The following WDR27 variants were observed in gnomAD, a reference collection of about 807,000 sequenced individuals.
The protein encoded by WDR27 is WD repeat domain 27, also known as WD repeat-containing protein 27.
A neutral mutation model predicts 114.4 loss-of-function variants in WDR27; 100 were observed. The ratio of observed to expected loss-of-function variants is 0.87; its 90% CI spans 0.74 to 1.03. WDR27 has a LOEUF of 1.03. WDR27 is among the 50% of genes least tolerant of loss of function. WDR27 has a pLI of 0.00. For missense variants in WDR27, 1,129 were observed against 1,092.9 expected (o/e 1.03, Z -0.47); for synonymous variants, 449 against 423.1 (o/e 1.06, Z -0.75).
intron 23 of WDR27, among the ~76,000 whole-genome samples, chr6:169,585,680 T>C (rs1256187936): frequency 1.3e-5 from 2 of 152,174 alleles, no homozygotes; most frequent in African/African-American, 4.8e-5. Flanking sequence ...ATTTAAAAAA[T>C]TATAAGGAAG....
intron 25 of WDR27, among the ~76,000 whole-genome samples, chr6:169,509,131 G>A (rs1033850953): frequency 1.3e-5 from 2 of 152,100 alleles, no homozygotes; most frequent in African/African-American, 4.8e-5. Flanking sequence ...AATAAAAGAG[G>A]ATACAAACAA....
intron 22 of WDR27, among the ~76,000 whole-genome samples, chr6:169,607,095 T>C (rs1809356217): frequency 6.6e-6 from 1 of 152,140 alleles, no homozygotes; most frequent in Non-Finnish European, 1.5e-5. Flanking sequence ...TAACAGATAC[T>C]GTCAAGGATG....
intron 21 of WDR27, among the ~76,000 whole-genome samples, chr6:169,620,948 T>C (rs773559444): frequency 3.9e-5 from 6 of 152,204 alleles, no homozygotes; most frequent in Non-Finnish European, 5.9e-5. Context: ...GCTGCTCTAG[T>C]TACCTGGTCA....
chr6:169,674,748 G>A (rs563541563), intron 2 of WDR27, among the ~76,000 whole-genome samples: 2 of 152,248 alleles, frequency 1.3e-5, no homozygotes, highest in Admixed American at 6.5e-5. Flanking sequence ...TTTCATGCGC[G>A]TCCATGTGAA....
At chr6:169,493,578 G>A (rs1166286723) in intron 25 of WDR27, among the ~76,000 whole-genome samples, 1 of 151,864 alleles carries the variant, frequency 6.6e-6, no homozygotes. Flanking sequence ...GTAACCACCA[G>A]TAACCAATTG....
At chr6:169,452,452 G>A (rs936244550), downstream of WDR27, among the ~76,000 whole-genome samples, 1 of 152,238 alleles carries the variant, frequency 6.6e-6, no homozygotes, top group South Asian at 2.1e-4. Flanking sequence ...GTGAAGAAAC[G>A]GCTGCAGTGA....
At chr6:169,697,431 A>G (rs1250782566) in intron 1 of WDR27, among the ~76,000 whole-genome samples, 1 of 152,056 alleles carries the variant, frequency 6.6e-6, no homozygotes, top group African/African-American at 2.4e-5. Context: ...GGGAAAGGGA[A>G]TCTCCCTTTC....
At chr6:169,441,494 G>C in the WDR27 span, among the ~76,000 whole-genome samples, 3 of 152,130 alleles carry the variant, frequency 2.0e-5, no homozygotes, top group African/African-American at 4.8e-5. Context: ...TCACCAGCCA[G>C]CTGCCAAGTC....
Position 169,623,455 on chromosome 6 carries a change from G to GGCAGCAGACAAGGT in WDR27, c.2223+9478_2223+9491dup, listed in dbSNP as rs577718583. Among the ~76,000 whole-genome samples, 10 of 152,278 alleles carry GGCAGCAGACAAGGT rather than the reference G, an allele frequency of 6.6e-5. No homozygotes were observed. The East Asian group carries it at 1.9e-3, about 29-fold the overall frequency. On this transcript the variant is annotated intron_variant, in intron 21 of 25. Coordinates refer to ENST00000448612, the MANE Select transcript of WDR27 (RefSeq NM_182552.5). ...TGTCTTGATCAACTGGCTCTATCTA[G>GGCAGCAGACAAGGT]GCAGCAGACAAGGTGAACCATTGGG...
At chr6:169,544,819 G>A (rs1479650470) in intron 25 of WDR27, among the ~76,000 whole-genome samples, 1 of 152,110 alleles carries the variant, frequency 6.6e-6, no homozygotes, top group African/African-American at 2.4e-5. Flanking sequence ...TCATTCTAAA[G>A]AAAATTATAT....
At chr6:169,633,552 T>C (rs1467227140) in intron 20 of WDR27, among the ~76,000 whole-genome samples, 1 of 152,198 alleles carries the variant, frequency 6.6e-6, no homozygotes, top group African/African-American at 2.4e-5. Flanking sequence ...ACGTGCTTCA[T>C]AAACTTGACC....
chr6:169,504,171 A>G (rs1791711386), intron 25 of WDR27, among the ~76,000 whole-genome samples: 1 of 152,250 alleles, frequency 6.6e-6, no homozygotes, highest in South Asian at 2.1e-4. Flanking sequence ...ACTGTTCACT[A>G]CAAACTGTTT....
chr6:169,432,765 G>A, the WDR27 span, among the ~76,000 whole-genome samples: 3 of 152,188 alleles, frequency 2.0e-5, no homozygotes, highest in Non-Finnish European at 4.4e-5. Context: ...CAGGTAGTGG[G>A]GCACTGCTGT....
In WDR27 at chr6:169,638,650, C is replaced by T. The variant is rs1267358708; in HGVS notation, c.1758G>A (p.Gly586=). Residue 586 remains glycine (G), a synonymous_variant, in exon 18 of 26, where the codon GGG becomes GGA. Coordinates refer to ENST00000448612, the MANE Select transcript of WDR27 (RefSeq NM_182552.5). ...GGCTCCAGCACACGGCATTCACTGC[C>T]CCGTCGTGACCTAACAGGAATGACC... The part of the protein sequence containing the change: ...GTPAVFSGHD[G]AVNAVCWSQD... 2 of 1,603,078 alleles carry T rather than the reference C, an allele frequency of 1.2e-6. No homozygotes were observed. Among genetic ancestry groups the T allele is most frequent in the Non-Finnish European group, 8.5e-7 (1 of 1,174,814 alleles).
At chr6:169,695,724 G>C (rs968459911) in intron 1 of WDR27, among the ~76,000 whole-genome samples, 2 of 152,166 alleles carry the variant, frequency 1.3e-5, no homozygotes, top group African/African-American at 4.8e-5. Flanking sequence ...GCAAACATTA[G>C]GCTACACAGC....
chr6:169,603,368 TTTTC>T (rs962232599), intron 22 of WDR27, among the ~76,000 whole-genome samples: 229 of 152,260 alleles, frequency 1.5e-3, no homozygotes, highest in African/African-American at 5.4e-3. Flanking sequence ...TTAATTCCTT[TTTTC>T]TTTTACATTG....
chr6:169,654,735 G>GAGA (rs540365001), intron 13 of WDR27, among the ~76,000 whole-genome samples: 15 of 150,588 alleles, frequency 1.0e-4, no homozygotes, highest in South Asian at 4.2e-4. Context: ...GCGCGCACAG[G>GAGA]AGGAGGCGCG....
the WDR27 span, among the ~76,000 whole-genome samples, chr6:169,445,269 T>C: frequency 6.6e-6 from 1 of 152,206 alleles, no homozygotes; most frequent in Non-Finnish European, 1.5e-5. Flanking sequence ...GAGCCCTGCC[T>C]ACTTTCACTG....
chr6:169,545,465 G>C lies in WDR27; in HGVS notation c.2645+26954C>G, dbSNP rs367565733. ...AATCCTAGCACTTTGGGAGGCCAAA[G>C]CGGGTGGATCACTTGAGCCCAGGAG... On this transcript the variant is annotated intron_variant, in intron 25 of 25. Transcript: ENST00000448612. 1.7e-4 allele frequency among the ~76,000 whole-genome samples: 26 copies of C among 152,290 alleles called. No individual in the cohort carries two copies. In the East Asian group the frequency reaches 4.6e-3, roughly 27 times the overall value.
Sources: gnomAD v4.1 joint callset for allele counts (sites outside exome capture counted in the v4.1 genomes callset) on GRCh38, gnomAD v4.1.1 for gene constraint, MANE v1.5 for transcripts, NCBI Gene and HGNC (gene_info 2026-07-23, HGNC 2026-07-21) for gene names.